The following CCDC125 variants were observed in gnomAD, a reference collection of about 807,000 sequenced individuals.
CCDC125 encodes the protein coiled-coil domain containing 125.
A neutral mutation model predicts 57.4 loss-of-function variants in CCDC125; 43 were observed. The ratio of observed to expected loss-of-function variants is 0.75; its 90% CI spans 0.59 to 0.97. CCDC125 has a LOEUF of 0.97. Among genes scored for constraint, CCDC125 ranks in the 50% least tolerant of loss-of-function variants. The pLI is 0.00. For synonymous variants in CCDC125, 187 were observed against 195.2 expected (o/e 0.96, Z 0.35); for missense variants, 563 against 595.7 (o/e 0.95, Z 0.57).
chr5:69,294,065 C>T, intron 9 of CCDC125: 2 of 798,060 alleles, frequency 2.5e-6, no homozygotes, highest in Non-Finnish European at 3.0e-6. Flanking sequence ...AGATGCAAAC[C>T]TAGGTCTGGC....
At position 69,316,589 on chromosome 5, in the gene CCDC125, G is replaced by A. The variant is rs532711282; in HGVS notation, c.305-2543C>T. On this transcript the variant is annotated intron_variant, in intron 2 of 11. Transcript: ENST00000396496. Reference sequence around the variant, plus strand: ...TGGGACTTTTTTTCCCACAGAGAGAGGGTCTTGCTTTATTGCTCAGGCTGC... The same window carrying A: ...TGGGACTTTTTTTCCCACAGAGAGAAGGTCTTGCTTTATTGCTCAGGCTGC... 1.9e-3 allele frequency among the ~76,000 whole-genome samples: 291 copies of A among 152,276 alleles called. 1 individual carries two copies. The highest frequency in any genetic ancestry group is 5.8e-3 in the African/African-American group (240 of 41,580).
Position 69,285,469 on chromosome 5 carries a change from TA to T in CCDC125, c.1100-3del. 1 of 1,591,126 alleles carries T rather than the reference TA, an allele frequency of 6.3e-7. No homozygotes were observed. Among genetic ancestry groups the T allele is most frequent in the Non-Finnish European group, 8.5e-7 (1 of 1,173,424 alleles). Reference sequence around the variant, plus strand: ...TCTTACTCCTTGGTGATGGAAATCCTAAAATTGAACATGAGAATCCAGCTGA... The same window carrying T: ...TCTTACTCCTTGGTGATGGAAATCCTAAATTGAACATGAGAATCCAGCTGA... On this transcript the variant is annotated splice_region_variant and splice_polypyrimidine_tract_variant and intron_variant, in intron 10 of 11. Coordinates refer to ENST00000396496, the MANE Select transcript of CCDC125 (RefSeq NM_176816.5).
chr5:69,290,542 A>T (rs1490562049), intron 10 of CCDC125, among the ~76,000 whole-genome samples: 1 of 150,088 alleles, frequency 6.7e-6, no homozygotes, highest in African/African-American at 2.4e-5. Flanking sequence ...ACCTCAGGTG[A>T]TCTGCCTGCC....
intron 2 of CCDC125, among the ~76,000 whole-genome samples, chr5:69,319,210 G>A (rs1759632159): frequency 6.6e-6 from 1 of 152,130 alleles, no homozygotes; most frequent in East Asian, 1.9e-4. Context: ...TTACAGGCAT[G>A]AGCCACTGTA....
intron 2 of CCDC125, among the ~76,000 whole-genome samples, chr5:69,319,909 TC>T (rs1259077938): frequency 6.6e-6 from 1 of 151,944 alleles, no homozygotes; most frequent in Non-Finnish European, 1.5e-5. Flanking sequence ...TCATTTGAGG[TC>T]AGGAGTTTGA....
intron 8 of CCDC125, among the ~76,000 whole-genome samples, chr5:69,298,859 C>G (rs1385539873): frequency 2.0e-5 from 3 of 152,198 alleles, no homozygotes; most frequent in South Asian, 2.1e-4. Flanking sequence ...AGACTCTAAG[C>G]TCTGTCTACA....
rs532848903 is a variant in CCDC125 at position 69,307,637 on chromosome 5, G to A, written c.531+314C>T. On this transcript the variant is annotated intron_variant, in intron 5 of 11. Coordinates refer to ENST00000396496, the MANE Select transcript of CCDC125 (RefSeq NM_176816.5). ...GCAGAGCTCGCAGTGAGTAGAGATC[G>A]CGCCACTGCACTCCAGCCTGGGCGA... 1.6e-4 allele frequency: 39 copies of A among 246,094 alleles called. No homozygotes were observed. The East Asian group carries it at 3.0e-3, about 19-fold the overall frequency. The allele number at this position is 246,094 out of a possible 1,614,324, so 15.2% of individuals were successfully genotyped here. A position where few individuals can be genotyped will look rare whatever the true frequency, so the allele number is the denominator to read the frequency against.
intron 8 of CCDC125, among the ~76,000 whole-genome samples, chr5:69,295,759 C>A (rs1394327822): frequency 6.6e-6 from 1 of 152,174 alleles, no homozygotes; most frequent in East Asian, 1.9e-4. Flanking sequence ...ATCTCTGTAA[C>A]TATGCACTAA....
In CCDC125 at chr5:69,300,031, G is replaced by A. The variant is rs1174353165; in HGVS notation, c.797C>T (p.Ala266Val). The change falls in exon 8 of 12, where the codon GCA becomes GTA. Residue 266 changes from alanine (A) to valine (V), a missense_variant. Coordinates refer to ENST00000396496, the MANE Select transcript of CCDC125 (RefSeq NM_176816.5). ...ENMCCDKSGF[A>V]EASGLELAVL... ...ACCTACCTCAAGACCTGAAGCCTCT[G>A]CAAAGCCACTTTTATCACAGCACAT... 6.2e-7 allele frequency: 1 copy of A among 1,614,064 alleles called. No homozygotes were observed. Among genetic ancestry groups the A allele is most frequent in the Non-Finnish European group, 8.5e-7 (1 of 1,179,924 alleles).
chr5:69,310,521 T>C, intron 4 of CCDC125: 1 of 158,304 alleles, frequency 6.3e-6, no homozygotes, highest in Non-Finnish European at 1.4e-5. Context: ...ATTAAACCTC[T>C]TTTTTTCCCC....
At chr5:69,323,071 C>T (rs1161372505) in intron 1 of CCDC125, among the ~76,000 whole-genome samples, 1 of 151,850 alleles carries the variant, frequency 6.6e-6, no homozygotes, top group South Asian at 2.1e-4. Context: ...CTTTCAGAGG[C>T]CAAGGTGGGC....
intron 8 of CCDC125, among the ~76,000 whole-genome samples, chr5:69,299,622 C>A (rs1756035073): frequency 6.6e-6 from 1 of 152,190 alleles, no homozygotes; most frequent in Non-Finnish European, 1.5e-5. Context: ...TTAGTTTCCT[C>A]TTCTCTAAAA....
chr5:69,322,010 AT>A (rs564085259), intron 1 of CCDC125, among the ~76,000 whole-genome samples: 14 of 146,836 alleles, frequency 9.5e-5, no homozygotes, highest in South Asian at 2.2e-4. Flanking sequence ...CTAATTTTCT[AT>A]TTTTTTTTTA....
At chr5:69,297,409 G>C (rs1461531437) in intron 8 of CCDC125, among the ~76,000 whole-genome samples, 12 of 151,886 alleles carry the variant, frequency 7.9e-5, no homozygotes, top group African/African-American at 2.9e-4. Flanking sequence ...GCCCAGGCTA[G>C]AGTGCAATGG....
intron 10 of CCDC125, among the ~76,000 whole-genome samples, chr5:69,285,832 CA>C (rs772257365): frequency 3.8e-4 from 58 of 152,280 alleles, no homozygotes; most frequent in Non-Finnish European, 7.8e-4. Flanking sequence ...GCCAACCTAA[CA>C]AAACATGTCT....
chr5:69,331,979 T>G (rs6450034), intron 1 of CCDC125, among the ~76,000 whole-genome samples: 144,052 of 152,326 alleles, frequency 0.95, 68,388 homozygotes, highest in East Asian at 1. Flanking sequence ...ATGCACAACA[T>G]GTGTTCCAAA....
chr5:69,318,599 A>G (rs1205276967), intron 2 of CCDC125, among the ~76,000 whole-genome samples: 1 of 150,110 alleles, frequency 6.7e-6, no homozygotes, highest in Non-Finnish European at 1.5e-5. Flanking sequence ...AAAAAAAAAA[A>G]AAAATTAGCC....
chr5:69,277,075 CTTTT>C, downstream of CCDC125: 1 of 1,437,800 alleles, frequency 7.0e-7, no homozygotes, highest in Non-Finnish European at 9.4e-7. Context: ...ATGTGAACAA[CTTTT>C]TTTTTTCTTG....
intron 2 of CCDC125, among the ~76,000 whole-genome samples, chr5:69,317,942 C>T (rs1390905507): frequency 1.3e-5 from 2 of 148,958 alleles, no homozygotes; most frequent in Admixed American, 6.7e-5. Flanking sequence ...TGAGACCAGC[C>T]TGGGTAACAT....
Sources: gnomAD v4.1 joint callset for allele counts (sites outside exome capture counted in the v4.1 genomes callset) on GRCh38, gnomAD v4.1.1 for gene constraint, MANE v1.5 for transcripts, NCBI Gene and HGNC (gene_info 2026-07-23, HGNC 2026-07-21) for gene names.